The following TAF3 variants were observed in gnomAD, a reference collection of about 807,000 sequenced individuals.
TAF3 encodes the protein transcription initiation factor TFIID subunit 3.
Under a neutral mutation model 80.6 loss-of-function variants are expected in TAF3, and 7 were observed. That is an observed-to-expected ratio of 0.09 (90% CI 0.05 to 0.16). TAF3 has a LOEUF of 0.16. TAF3 is among the 10% of genes least tolerant of loss of function. The probability of loss-of-function intolerance (pLI) is 1.00; values close to 1 mark genes in which losing one functional copy is unlikely to be tolerated. For synonymous variants in TAF3, 444 were observed against 446.1 expected (o/e 1.00, Z 0.06); for missense variants, 921 against 1,140.2 (o/e 0.81, Z 2.77).
intron 2 of TAF3, among the ~76,000 whole-genome samples, chr10:7,933,054 A>T (rs2131198821): frequency 6.6e-6 from 1 of 151,696 alleles, no homozygotes; most frequent in African/African-American, 2.4e-5. Context: ...AGTTGGATAT[A>T]ATAGCCTACT....
chr10:7,886,892 T>G (rs560660266), intron 2 of TAF3, among the ~76,000 whole-genome samples: 2 of 152,194 alleles, frequency 1.3e-5, no homozygotes, highest in South Asian at 4.1e-4. Context: ...TCTCTAAGAG[T>G]ATCTTTAAAT....
chr10:7,879,977 C>T (rs766972126), intron 2 of TAF3, among the ~76,000 whole-genome samples: 1 of 152,136 alleles, frequency 6.6e-6, no homozygotes, highest in African/African-American at 2.4e-5. Flanking sequence ...TGGGAGTCTG[C>T]AGCAAGAGGA....
chr10:7,953,280 A>G (rs1319849468), intron 2 of TAF3, among the ~76,000 whole-genome samples: 1 of 152,218 alleles, frequency 6.6e-6, no homozygotes, highest in African/African-American at 2.4e-5. Flanking sequence ...TTTTAAAGAT[A>G]CTGCCTTTAC....
chr10:7,842,912 T>TGA (rs1836932391), intron 2 of TAF3, among the ~76,000 whole-genome samples: 2 of 152,376 alleles, frequency 1.3e-5, no homozygotes, highest in Admixed American at 6.5e-5. Context: ...TGTCATACTT[T>TGA]GTTTTCTGAA....
At chr10:7,940,060 A>G (rs972855087) in intron 2 of TAF3, among the ~76,000 whole-genome samples, 4 of 152,248 alleles carry the variant, frequency 2.6e-5, no homozygotes, top group African/African-American at 9.6e-5. Context: ...AGGAAATTAT[A>G]TGTGCTTGCC....
intron 2 of TAF3, among the ~76,000 whole-genome samples, chr10:7,945,302 A>G (rs564038097): frequency 2.6e-5 from 4 of 152,154 alleles, no homozygotes; most frequent in South Asian, 4.2e-4. Flanking sequence ...CTGATTTCCT[A>G]TTGGGTGTGG....
chr10:7,854,366 A>G (rs1356408777), intron 2 of TAF3, among the ~76,000 whole-genome samples: 1 of 152,242 alleles, frequency 6.6e-6, no homozygotes, highest in Non-Finnish European at 1.5e-5. Flanking sequence ...TATTTGCCCC[A>G]AAACAATTTC....
At chr10:7,825,214 T>C (rs949405134) in intron 2 of TAF3, among the ~76,000 whole-genome samples, 1 of 152,230 alleles carries the variant, frequency 6.6e-6, no homozygotes, top group African/African-American at 2.4e-5. Context: ...GTACACGATA[T>C]TTTTTCTTAT....
At position 8,013,629 on chromosome 10, in the gene TAF3, G is replaced by C. The variant is rs1238451758; in HGVS notation, c.2569-102G>C. 6 of 860,070 alleles carry C rather than the reference G, an allele frequency of 7.0e-6. No homozygotes were observed. In the East Asian group the frequency reaches 1.5e-4, roughly 21 times the overall value. The allele number at this position is 860,070 out of a possible 1,614,324, so 53.3% of individuals were successfully genotyped here. A position where few individuals can be genotyped will look rare whatever the true frequency, so the allele number is the denominator to read the frequency against. On this transcript the variant is annotated intron_variant, in intron 5 of 6. Transcript: ENST00000344293. ...CTATATTTTTTAGTTTAATATGCCT[G>C]TTTATTCGGTTAACAGTATAAAGTA...
chr10:7,996,855 TTTTGTA>T (rs1483635293), intron 4 of TAF3, among the ~76,000 whole-genome samples: 7 of 149,934 alleles, frequency 4.7e-5, no homozygotes, highest in Non-Finnish European at 7.4e-5. Flanking sequence ...TTTTTTTTTT[TTTTGTA>T]TTTTTGTATT....
chr10:7,912,798 G>A (rs1486003789), intron 2 of TAF3, among the ~76,000 whole-genome samples: 1 of 152,164 alleles, frequency 6.6e-6, no homozygotes, highest in African/African-American at 2.4e-5. Flanking sequence ...CTCTGTGGCT[G>A]TAGAAACGCT....
chr10:7,865,678 G>A (rs543155682), intron 2 of TAF3, among the ~76,000 whole-genome samples: 1 of 152,302 alleles, frequency 6.6e-6, no homozygotes, highest in Non-Finnish European at 1.5e-5. Context: ...CATTCTTAGA[G>A]TTAGGCTTTC....
intron 2 of TAF3, among the ~76,000 whole-genome samples, chr10:7,858,937 C>G (rs756856088): frequency 6.6e-6 from 1 of 152,082 alleles, no homozygotes; most frequent in Non-Finnish European, 1.5e-5. Context: ...CTTCTGGGCT[C>G]TATTCATATG....
intron 2 of TAF3, among the ~76,000 whole-genome samples, chr10:7,846,415 A>G (rs1456502120): frequency 6.6e-6 from 1 of 152,082 alleles, no homozygotes; most frequent in Admixed American, 6.6e-5. Flanking sequence ...TGCATTTGTG[A>G]TTTTTAGTTC....
intron 2 of TAF3, among the ~76,000 whole-genome samples, chr10:7,850,098 A>G (rs1837013002): frequency 6.6e-6 from 1 of 152,210 alleles, no homozygotes; most frequent in Non-Finnish European, 1.5e-5. Flanking sequence ...ATTTCCTGAT[A>G]AGTCCTCTCT....
chr10:8,003,951 TA>T lies in TAF3; in HGVS notation c.2316-5118del, dbSNP rs1004228809. Among the ~76,000 whole-genome samples the T allele has an allele frequency of 1.7e-4, 26 of 151,704 alleles. No homozygotes were observed. In the East Asian group the frequency reaches 1.7e-3, roughly 10 times the overall value. ...GTCTTGGAAAATATAGTTATTTTCA[TA>T]AAAAAAAATGTTATCTGTTAACATA... On this transcript the variant is annotated intron_variant, in intron 4 of 6. Coordinates refer to ENST00000344293, the MANE Select transcript of TAF3 (RefSeq NM_031923.4).
At chr10:7,903,211 ACT>A (rs1368047032) in intron 2 of TAF3, among the ~76,000 whole-genome samples, 18 of 152,184 alleles carry the variant, frequency 1.2e-4, no homozygotes, top group Admixed American at 1.0e-3. Flanking sequence ...ACAGAGCAAG[ACT>A]CTATCTCACA....
intron 2 of TAF3, among the ~76,000 whole-genome samples, chr10:7,894,363 A>G (rs934603019): frequency 6.6e-6 from 1 of 152,188 alleles, no homozygotes; most frequent in African/African-American, 2.4e-5. Flanking sequence ...CAGAACATCA[A>G]AATCCATCAA....
chr10:7,941,714 A>G (rs1206508992), intron 2 of TAF3, among the ~76,000 whole-genome samples: 1 of 152,154 alleles, frequency 6.6e-6, no homozygotes, highest in Non-Finnish European at 1.5e-5. Flanking sequence ...GGGGTCAGTA[A>G]ATACAAGAAC....
Sources: allele counts gnomAD v4.1 joint callset (sites outside exome capture counted in the v4.1 genomes callset), GRCh38; gene constraint gnomAD v4.1.1; transcripts MANE v1.5; gene names NCBI Gene and HGNC (gene_info 2026-07-23, HGNC 2026-07-21).